Variants in ACAT1 observed in about 807,000 individuals in gnomAD.
The protein encoded by ACAT1 is acetyl-CoA acetyltransferase, mitochondrial.
In ACAT1, 28 loss-of-function variants were observed where a neutral mutation model predicts 47.3. The observed-to-expected ratio is 0.59, with a 90% confidence interval of 0.44 to 0.81. The LOEUF is 0.81. Ranked by LOEUF, ACAT1 falls within the 30% of genes least tolerant of loss-of-function variation. The pLI is 0.00. For missense variants in ACAT1, 469 were observed against 524.3 expected, an observed-to-expected ratio of 0.89 and a Z score of 1.03; for synonymous variants, 181 against 173.6, an observed-to-expected ratio of 1.04 and a Z score of -0.34.
At chr11:108,117,934 C>G (rs1051162835), upstream of ACAT1, among the ~76,000 whole-genome samples, 10 of 152,106 alleles carry the variant, frequency 6.6e-5, no homozygotes, top group African/African-American at 2.2e-4. Context: ...TTTGCAAGAC[C>G]TAAGTCTCCA....
intron 1 of ACAT1, among the ~76,000 whole-genome samples, chr11:108,124,599 A>C (rs541682286): frequency 1.2e-4 from 18 of 151,866 alleles, no homozygotes; most frequent in African/African-American, 4.3e-4. Flanking sequence ...TTCTAATCTT[A>C]CCCTAGTACA....
upstream of ACAT1, among the ~76,000 whole-genome samples, chr11:108,117,881 G>A (rs560107469): frequency 2.0e-5 from 3 of 152,176 alleles, no homozygotes; most frequent in South Asian, 6.2e-4. Flanking sequence ...TGGGTCTCAT[G>A]GACATTTCAG....
chr11:108,144,067 C>T lies in ACAT1; in HGVS notation c.1005+20C>T, dbSNP rs1213211967. 1.7e-5 allele frequency: 24 copies of T among 1,420,620 alleles called. No homozygotes were observed. Among genetic ancestry groups the T allele is most frequent in the Non-Finnish European group, 2.0e-5 (21 of 1,057,326 alleles). 88.0% of individuals were successfully genotyped at this position (1,420,620 alleles called of 1,614,324 possible). On this transcript the variant is annotated intron_variant, in intron 10 of 11. Transcript: ENST00000265838. ...TCTATGGTGAGAACAAAGTGAGGGG[C>T]GATACTCCATTATGCTAGCTTCTGG...
intron 1 of ACAT1, among the ~76,000 whole-genome samples, chr11:108,126,937 C>T (rs529991489): frequency 1.6e-3 from 238 of 151,634 alleles, no homozygotes; most frequent in Middle Eastern, 6.8e-3. Flanking sequence ...GGATTACAGG[C>T]GCGTGCCACC....
At chr11:108,120,390 G>A (rs1250001951), upstream of ACAT1, among the ~76,000 whole-genome samples, 3 of 151,836 alleles carry the variant, frequency 2.0e-5, no homozygotes, top group East Asian at 1.9e-4. Context: ...TCCTAGCTAC[G>A]TAGCTACTTG....
At chr11:108,118,612 CGCCTGCCTTG>C (rs1480625842), upstream of ACAT1, among the ~76,000 whole-genome samples, 3 of 152,150 alleles carry the variant, frequency 2.0e-5, no homozygotes, top group African/African-American at 7.2e-5. Context: ...CCTTGTGATC[CGCCTGCCTTG>C]GCCTCCTAAA....
At chr11:108,138,362 G>A (rs561423533) in intron 5 of ACAT1, among the ~76,000 whole-genome samples, 3 of 151,716 alleles carry the variant, frequency 2.0e-5, no homozygotes, top group African/African-American at 4.8e-5. Context: ...CTGGAGTGCA[G>A]TGGCACGATC....
chr11:108,121,703 A>C (rs1294537526), intron 1 of ACAT1, 25 bp downstream of exon 1: 10 of 1,546,148 alleles, frequency 6.5e-6, no homozygotes, highest in African/African-American at 1.4e-5. Context: ...TCCCCACAGC[A>C]CTCAGACCCG....
In ACAT1 at chr11:108,131,944, C is replaced by T; in HGVS notation, c.110C>T (p.Pro37Leu). The T allele has an allele frequency of 6.6e-7, 1 of 1,504,306 alleles. No homozygotes were observed. Among genetic ancestry groups the T allele is most frequent in the Non-Finnish European group, 9.2e-7 (1 of 1,087,280 alleles). 93.2% of individuals were successfully genotyped at this position (1,504,306 alleles called of 1,614,324 possible). A position where few individuals can be genotyped will look rare whatever the true frequency, so the allele number is the denominator to read the frequency against. Reference sequence around the variant, plus strand: ...GTGGAACGGAGTTATGTATCAAAACCCACTTTGAAGGTAAGTAATTTAAAT... The same window carrying T: ...GTGGAACGGAGTTATGTATCAAAACTCACTTTGAAGGTAAGTAATTTAAAT... ...RYVERSYVSK[P>L]TLKEVVIVSA... Residue 37 changes from proline to leucine, a missense_variant, in exon 2 of 12, where the codon CCC (proline) becomes CTC (leucine). Coordinates refer to ENST00000265838, the MANE Select transcript of ACAT1 (RefSeq NM_000019.4).
intron 1 of ACAT1, among the ~76,000 whole-genome samples, chr11:108,131,220 A>AG (rs2077350390): frequency 6.6e-6 from 1 of 152,188 alleles, no homozygotes; most frequent in Admixed American, 6.6e-5. Flanking sequence ...GTGGATAGGG[A>AG]GAAACAGCAA....
chr11:108,118,139 C>T (rs998128936), upstream of ACAT1, among the ~76,000 whole-genome samples: 1 of 152,080 alleles, frequency 6.6e-6, no homozygotes, highest in African/African-American at 2.4e-5. Context: ...TTTCTTTGGC[C>T]AGGTGTGGTG....
upstream of ACAT1, chr11:108,121,430 G>T (rs1293656678): frequency 1.0e-5 from 7 of 701,926 alleles, no homozygotes; most frequent in East Asian, 5.5e-5. Context: ...CCAGGCTGCG[G>T]TGTCCCAGCG....
chr11:108,146,934 G>C (rs2077725631), intron 11 of ACAT1, among the ~76,000 whole-genome samples: 1 of 152,188 alleles, frequency 6.6e-6, no homozygotes, highest in Non-Finnish European at 1.5e-5. Context: ...ACGAAAATTA[G>C]CTGGGTGTGG....
Position 108,135,254 on chromosome 11 carries a change from C to A in ACAT1, c.435+12C>A. 3.2e-6 allele frequency: 5 copies of A among 1,570,722 alleles called. No homozygotes were observed. Among genetic ancestry groups the A allele is most frequent in the Non-Finnish European group, 4.4e-6 (5 of 1,141,016 alleles). On this transcript the variant is annotated intron_variant, in intron 5 of 11. Transcript: ENST00000265838. ...TGTGTGGACATCAGGTAAGAAACAC[C>A]GTCCTTCCCATTTATTAATCAGAGT...
In ACAT1 at chr11:108,143,969, C is replaced by CCGGG; in HGVS notation, c.941-14_941-13insCGGG. ...AAAGATTTTAACAACCCCCCCCCCC[C>CCGGG]TTTTTTTAAACAGCATTTGCTGACG... On this transcript the variant is annotated splice_polypyrimidine_tract_variant and intron_variant, in intron 9 of 11. Coordinates refer to ENST00000265838, the MANE Select transcript of ACAT1 (RefSeq NM_000019.4). 1.5e-6 allele frequency: 1 copy of CCGGG among 685,216 alleles called. No homozygotes were observed. The highest frequency in any genetic ancestry group is 2.3e-5 in the African/African-American group (1 of 44,032). 42.4% of individuals were successfully genotyped at this position (685,216 alleles called of 1,614,324 possible). A position where few individuals can be genotyped will look rare whatever the true frequency, so the allele number is the denominator to read the frequency against.
Position 108,142,586 on chromosome 11 carries a change from C to T in ACAT1, c.940+36C>T, listed in dbSNP as rs768306513. 1.4e-5 allele frequency: 22 copies of T among 1,548,230 alleles called. No homozygotes were observed. The South Asian group carries it at 2.1e-4, about 15-fold the overall frequency. ...GCGAGGTGGCTCACACCTGTAATCC[C>T]AGCACTTTCGGAGGTTGAGGTGGGA... On this transcript the variant is annotated intron_variant, in intron 9 of 11. Transcript: ENST00000265838.
chr11:108,121,368 C>T (rs1388361624), upstream of ACAT1: 1 of 588,054 alleles, frequency 1.7e-6, no homozygotes, highest in Non-Finnish European at 3.0e-6. Context: ...TGCTCGTTGA[C>T]CCCAGCGCCA....
upstream of ACAT1, among the ~76,000 whole-genome samples, chr11:108,120,651 G>T (rs1340709031): frequency 6.6e-6 from 1 of 152,214 alleles, no homozygotes; most frequent in Non-Finnish European, 1.5e-5. Context: ...GCTTGTCTCT[G>T]CTCCATGATG....
chr11:108,140,094 G>A lies in ACAT1; in HGVS notation c.609G>A (p.Lys203=). Residue 203 remains lysine, a synonymous_variant, in exon 7 of 12, where the codon AAG becomes AAA. Coordinates refer to ENST00000265838, the MANE Select transcript of ACAT1 (RefSeq NM_000019.4). ...MGSCAENTAK[K]LNIARNEQDA... is the part of the protein sequence containing the mutation. ...GCTGTGCTGAGAATACAGCAAAGAAGCTGAATATTGCACGAAATGAACAGG... is the reference window on the plus strand; with the variant it reads ...GCTGTGCTGAGAATACAGCAAAGAAACTGAATATTGCACGAAATGAACAGG... 3 of 1,614,102 alleles carry A rather than the reference G, an allele frequency of 1.9e-6. No homozygotes were observed. Among genetic ancestry groups the A allele is most frequent in the Non-Finnish European group, 2.5e-6 (3 of 1,179,974 alleles).
Sources: allele counts gnomAD v4.1 joint callset (sites outside exome capture counted in the v4.1 genomes callset), GRCh38; gene constraint gnomAD v4.1.1; transcripts MANE v1.5; gene names NCBI Gene and HGNC (gene_info 2026-07-23, HGNC 2026-07-21).